Variants in SEL1L2 observed in about 807,000 individuals in gnomAD.
The protein encoded by SEL1L2 is protein sel-1 homolog 2.
A neutral mutation model predicts 98.8 loss-of-function variants in SEL1L2; 89 were observed. The observed-to-expected ratio is 0.90, with a 90% CI of 0.76 to 1.07. The LOEUF (loss-of-function observed/expected upper bound fraction) is 1.07, where lower values mean the gene tolerates loss of function less well. SEL1L2 is among the 50% of genes least tolerant of loss of function. SEL1L2 has a pLI of 0.00. For missense variants in SEL1L2, 788 were observed against 812.0 expected, an observed-to-expected ratio of 0.97 and a Z score of 0.36; for synonymous variants, 262 against 278.5, an observed-to-expected ratio of 0.94 and a Z score of 0.59.
At position 13,881,462 on chromosome 20, in the gene SEL1L2, C is replaced by T. The variant is rs181135553; in HGVS notation, c.958-3874G>A. On this transcript the variant is annotated intron_variant, in intron 10 of 19. Transcript: ENST00000284951. ...TCCTCTGCTAGGTTTAATTTAATTACGCTTTATCCATTTTAATAATATTCA... is the reference window on the plus strand; with the variant it reads ...TCCTCTGCTAGGTTTAATTTAATTATGCTTTATCCATTTTAATAATATTCA... Among the ~76,000 whole-genome samples the T allele has an allele frequency of 5.4e-3, 824 of 152,228 alleles. 5 individuals are homozygous for T. The highest frequency in any genetic ancestry group is 0.02 in the Middle Eastern group (6 of 294).
At position 13,886,439 on chromosome 20, in the gene SEL1L2, GCAA is replaced by G; in HGVS notation, c.746_748del (p.Ile249_Ala250delinsThr). On this transcript the variant is annotated inframe_deletion and splice_region_variant, in exon 9 of 20. Transcript: ENST00000284951. Reference sequence around the variant, plus strand: ...ACCTTCACTTTTTTCAAATGTGTCAGCAACTGTGAATAAAAACAAGCCAGAGAA... The same window carrying G: ...ACCTTCACTTTTTTCAAATGTGTCAGCTGTGAATAAAAACAAGCCAGAGAA... 2 of 1,612,842 alleles carry G rather than the reference GCAA, an allele frequency of 1.2e-6. No individual in the cohort carries two copies. The highest frequency in any genetic ancestry group is 1.7e-6 in the Non-Finnish European group (2 of 1,179,646).
intron 1 of SEL1L2, among the ~76,000 whole-genome samples, chr20:13,970,808 G>A (rs2051251865): frequency 6.6e-6 from 1 of 151,298 alleles, no homozygotes; most frequent in African/African-American, 2.4e-5. Flanking sequence ...CTCCAGCCTG[G>A]GTAACAAGAG....
intron 18 of SEL1L2, among the ~76,000 whole-genome samples, chr20:13,850,793 C>CA (rs1031125140): frequency 2.0e-5 from 3 of 152,212 alleles, no homozygotes; most frequent in African/African-American, 4.8e-5. Context: ...TTTTGGCCTA[C>CA]AGAAACCGTG....
At chr20:13,878,304 G>A (rs1395700440) in intron 10 of SEL1L2, among the ~76,000 whole-genome samples, 1 of 70,866 alleles carries the variant, frequency 1.4e-5, no homozygotes, top group African/African-American at 5.0e-5. Context: ...GTATGAAACC[G>A]CTCTTTTTTT....
At chr20:13,934,690 A>C (rs1463651965) in intron 2 of SEL1L2, among the ~76,000 whole-genome samples, 1 of 151,270 alleles carries the variant, frequency 6.6e-6, no homozygotes. Flanking sequence ...GAATCTTCAC[A>C]CTGTTTTCCA....
intron 5 of SEL1L2, among the ~76,000 whole-genome samples, chr20:13,898,280 T>G (rs2047510871): frequency 6.6e-6 from 1 of 152,134 alleles, no homozygotes; most frequent in Non-Finnish European, 1.5e-5. Context: ...GCCCATCCCC[T>G]GACCCCACTG....
chr20:13,877,452 T>A, intron 11 of SEL1L2, 68 bp downstream of exon 11: 1 of 1,261,136 alleles, frequency 7.9e-7, no homozygotes, highest in Non-Finnish European at 1.1e-6. Context: ...AGGCACACGC[T>A]GCTATGCCCA....
chr20:13,946,260 A>C (rs1481038368), intron 2 of SEL1L2, among the ~76,000 whole-genome samples: 1 of 152,230 alleles, frequency 6.6e-6, no homozygotes, highest in Non-Finnish European at 1.5e-5. Context: ...TCTACACAAA[A>C]AAACTGCTAC....
intron 2 of SEL1L2, among the ~76,000 whole-genome samples, chr20:13,942,267 C>T (rs745736512): frequency 9.2e-5 from 14 of 152,152 alleles, no homozygotes; most frequent in Non-Finnish European, 1.8e-4. Flanking sequence ...ATGCAGATTC[C>T]ATATACTATG....
intron 5 of SEL1L2, among the ~76,000 whole-genome samples, chr20:13,906,480 A>G (rs1043167930): frequency 1.3e-5 from 2 of 152,208 alleles, no homozygotes; most frequent in African/African-American, 4.8e-5. Context: ...CAAAAGTGTG[A>G]ATCAACCCTA....
At chr20:13,960,623 T>C (rs1327349381) in intron 1 of SEL1L2, among the ~76,000 whole-genome samples, 1 of 152,208 alleles carries the variant, frequency 6.6e-6, no homozygotes, top group African/African-American at 2.4e-5. Flanking sequence ...GAAAACATTC[T>C]GTTACAAATA....
intron 5 of SEL1L2, among the ~76,000 whole-genome samples, chr20:13,902,767 T>G (rs1310953689): frequency 6.6e-6 from 1 of 152,236 alleles, no homozygotes; most frequent in Non-Finnish European, 1.5e-5. Flanking sequence ...AGAGAGTTAA[T>G]ATCTAAATTT....
intron 2 of SEL1L2, among the ~76,000 whole-genome samples, chr20:13,935,116 G>T (rs1600820753): frequency 6.6e-6 from 1 of 152,314 alleles, no homozygotes; most frequent in East Asian, 1.9e-4. Flanking sequence ...AGAGGTCAGT[G>T]TTTCTTGACT....
At chr20:13,896,527 A>G (rs188508663) in intron 5 of SEL1L2, among the ~76,000 whole-genome samples, 2 of 147,940 alleles carry the variant, frequency 1.4e-5, no homozygotes, top group Admixed American at 1.3e-4. Context: ...CCACACACAA[A>G]AAACTAATAA....
upstream of SEL1L2, among the ~76,000 whole-genome samples, chr20:13,991,496 A>G (rs922306259): frequency 6.6e-6 from 1 of 152,242 alleles, no homozygotes; most frequent in Non-Finnish European, 1.5e-5. Flanking sequence ...GCTCCAGGGA[A>G]GAATCCATTC....
chr20:13,866,848 C>A lies in SEL1L2; in HGVS notation c.1258G>T (p.Gly420Cys). Residue 420 changes from glycine (G) to cysteine (C), a missense_variant and splice_region_variant, in exon 15 of 20, where the codon GGC becomes TGC. By Grantham distance (159) the Gly-to-Cys change is radical (BLOSUM62 -3). Transcript: ENST00000284951. Reference sequence around the variant, plus strand: ...TTATAATCCTTCCATATTCCAGAGCCAGCTGAAAATTAAAATTGTTTTGAG... The same window carrying A: ...TTATAATCCTTCCATATTCCAGAGCAAGCTGAAAATTAAAATTGTTTTGAG... ...QFQLGFMYYS[G>C]SGIWKDYKLA... 6.2e-7 allele frequency: 1 copy of A among 1,600,550 alleles called. No individual in the cohort carries two copies.
chr20:13,952,130 C>T (rs2050305811), intron 2 of SEL1L2, among the ~76,000 whole-genome samples: 1 of 152,158 alleles, frequency 6.6e-6, no homozygotes, highest in Admixed American at 6.5e-5. Flanking sequence ...CTTTTCTCTC[C>T]CTTGTTGGAG....
chr20:13,901,624 C>T (rs1032750417), intron 5 of SEL1L2, among the ~76,000 whole-genome samples: 1 of 149,510 alleles, frequency 6.7e-6, no homozygotes, highest in Non-Finnish European at 1.5e-5. Context: ...TGAGATTTTT[C>T]TTTGTGGAAT....
chr20:13,940,754 C>G (rs554978645), intron 2 of SEL1L2, among the ~76,000 whole-genome samples: 1 of 152,094 alleles, frequency 6.6e-6, no homozygotes, highest in South Asian at 2.1e-4. Context: ...GCCAACATAG[C>G]AAAACCCTGG....
Sources: gnomAD v4.1 joint callset for allele counts (sites outside exome capture counted in the v4.1 genomes callset) on GRCh38, gnomAD v4.1.1 for gene constraint, MANE v1.5 for transcripts, NCBI Gene and HGNC (gene_info 2026-07-23, HGNC 2026-07-21) for gene names.